The following SPOCK2 variants were observed in gnomAD, a reference collection of about 807,000 sequenced individuals.
The protein encoded by SPOCK2 is SPARC (osteonectin), cwcv and kazal like domains proteoglycan 2.
In SPOCK2, 39 loss-of-function variants were observed where a neutral mutation model predicts 60.1. That is an observed-to-expected ratio of 0.65 (90% CI 0.50 to 0.85). SPOCK2 has a LOEUF of 0.85. SPOCK2 is among the 40% of genes least tolerant of loss of function. SPOCK2 has a pLI of 0.00. For synonymous variants in SPOCK2, 217 were observed against 231.5 expected (o/e 0.94, Z 0.57); for missense variants, 523 against 567.4 (o/e 0.92, Z 0.80).
At chr10:72,070,864 A>C (rs1840638414) in intron 4 of SPOCK2, among the ~76,000 whole-genome samples, 2 of 152,112 alleles carry the variant, frequency 1.3e-5, no homozygotes, top group Admixed American at 1.3e-4. Flanking sequence ...GTTCACATAA[A>C]TACCTGGATT....
chr10:72,084,637 G>T (rs1016415221), intron 1 of SPOCK2, among the ~76,000 whole-genome samples: 1 of 152,188 alleles, frequency 6.6e-6, no homozygotes, highest in African/African-American at 2.4e-5. Flanking sequence ...TTCGCTAAGG[G>T]TGAGGCCTAG....
Position 72,070,432 on chromosome 10 carries a change from G to A in SPOCK2, c.360-6C>T, listed in dbSNP as rs769315285. On this transcript the variant is annotated splice_polypyrimidine_tract_variant and splice_region_variant and intron_variant, in intron 4 of 10. Coordinates refer to ENST00000373109, the MANE Select transcript of SPOCK2 (RefSeq NM_001244950.2). ...TCACGGTCGGCTGCTTGATCCTACA[G>A]GAGAGGGTGGGGGGCACACCAGGGT... 1.6e-5 allele frequency: 26 copies of A among 1,613,964 alleles called. No individual in the cohort carries two copies. In the South Asian group the frequency reaches 2.6e-4, roughly 16 times the overall value.
Position 72,087,504 on chromosome 10 carries a change from G to A in SPOCK2, c.189+636C>T, listed in dbSNP as rs997755493. Among the ~76,000 whole-genome samples, 1 of 152,116 alleles carries A rather than the reference G, an allele frequency of 6.6e-6. No individual in the cohort carries two copies. The highest frequency in any genetic ancestry group is 2.4e-5 in the African/African-American group (1 of 41,420). On this transcript the variant is annotated intron_variant, in intron 1 of 10. Coordinates refer to ENST00000373109, the MANE Select transcript of SPOCK2 (RefSeq NM_001244950.2). The surrounding 1 kb of genome is among the most constrained non-coding windows in gnomAD (Gnocchi z 4.7). ...GGAAAACCAGCCTGGGTCCTCGCGC[G>A]CCCTTCTGCACGGGGACCCCAGCCC...
chr10:72,069,170 C>T lies in SPOCK2; in HGVS notation c.475-869G>A, dbSNP rs367717552. 89 of 161,336 alleles carry T rather than the reference C, an allele frequency of 5.5e-4. 1 individual carries two copies. Among genetic ancestry groups the T allele is most frequent in the African/African-American group, 2.1e-3 (87 of 41,714 alleles). The allele number at this position is 161,336 out of a possible 1,614,324, so 10.0% of individuals were successfully genotyped here. On this transcript the variant is annotated intron_variant, in intron 5 of 10. Transcript: ENST00000373109. The stretch of plus-strand genomic sequence containing the variant: ...ACTAGCTCCTCTTCTTCTCCTCCTC[C>T]TCTCTGCCAGCTCTGCCAGCTCCCC...
At position 72,062,925 on chromosome 10, in the gene SPOCK2, A is replaced by G. The variant is rs756686914; in HGVS notation, c.1130-20T>C. 21 of 1,595,564 alleles carry G rather than the reference A, an allele frequency of 1.3e-5. No individual in the cohort carries two copies. The highest frequency in any genetic ancestry group is 1.8e-5 in the Non-Finnish European group (21 of 1,173,958). On this transcript the variant is annotated intron_variant, in intron 10 of 10. Transcript: ENST00000373109. The surrounding 1 kb of genome is among the most constrained non-coding windows in gnomAD (Gnocchi z 4.3). The stretch of plus-strand genomic sequence containing the variant: ...TGTCATCTGTGAGGGGATCAAGCCA[A>G]CAGGGGGTGAGGGAGCTTCTGGCAC...
At chr10:72,081,869 G>A (rs763579333) in intron 1 of SPOCK2, among the ~76,000 whole-genome samples, 4 of 152,312 alleles carry the variant, frequency 2.6e-5, no homozygotes, top group South Asian at 2.1e-4. Context: ...GCTACTTGGA[G>A]AGGGGAGGGA....
intron 1 of SPOCK2, chr10:72,086,882 G>C: frequency 1.3e-6 from 2 of 1,551,016 alleles, no homozygotes; most frequent in Non-Finnish European, 1.7e-6. Flanking sequence ...TATGAAGCAT[G>C]TGTGTTTTAA....
chr10:72,068,158 C>G, intron 6 of SPOCK2, 29 bp downstream of exon 6: 1 of 1,590,512 alleles, frequency 6.3e-7, no homozygotes, highest in Non-Finnish European at 8.6e-7. Context: ...TTCAGCACCC[C>G]TAGCCTGGTG....
chr10:72,070,497 G>A, intron 4 of SPOCK2, 71 bp from the exon 5 acceptor site: 1 of 1,437,290 alleles, frequency 7.0e-7, no homozygotes, highest in Non-Finnish European at 9.7e-7. Context: ...AGGGAGGGCT[G>A]AGCAGACCTG....
chr10:72,078,120 T>C (rs1840738176), intron 1 of SPOCK2, among the ~76,000 whole-genome samples: 1 of 152,204 alleles, frequency 6.6e-6, no homozygotes, highest in African/African-American at 2.4e-5. Context: ...ATACAGAGAA[T>C]TCTGACATCT....
At chr10:72,077,721 G>A (rs1221852378) in intron 1 of SPOCK2, among the ~76,000 whole-genome samples, 2 of 152,210 alleles carry the variant, frequency 1.3e-5, no homozygotes, top group Non-Finnish European at 2.9e-5. Context: ...GGTGTGCTGA[G>A]GAGCAGGCCG....
At chr10:72,065,862 G>C (rs1840560711) in intron 8 of SPOCK2, among the ~76,000 whole-genome samples, 1 of 152,322 alleles carries the variant, frequency 6.6e-6, no homozygotes, top group Admixed American at 6.5e-5. Flanking sequence ...CTCACAACAG[G>C]CTCCAAGATA....
intron 7 of SPOCK2, among the ~76,000 whole-genome samples, chr10:72,067,370 G>A (rs1840584344): frequency 6.6e-6 from 1 of 152,132 alleles, no homozygotes; most frequent in African/African-American, 2.4e-5. Context: ...GCTTTCCCTG[G>A]GCTACCCATG....
chr10:72,062,511 A>T lies in SPOCK2; in HGVS notation c.*249T>A. On this transcript the variant is annotated 3_prime_UTR_variant, in exon 11 of 11. Transcript: ENST00000373109. This position sits in a 1 kb window ranked among gnomAD's most constrained non-coding sequence, Gnocchi z 4.3. ...ACTCACTCTGCCAGGAGCAGTGTGG[A>T]TCAAGGACACATTTGTCAGCGCATG... 1 of 630,964 alleles carries T rather than the reference A, an allele frequency of 1.6e-6. No homozygotes were observed. The highest frequency in any genetic ancestry group is 3.2e-5 in the East Asian group (1 of 31,352). 39.1% of individuals were successfully genotyped at this position (630,964 alleles called of 1,614,324 possible).
intron 1 of SPOCK2, among the ~76,000 whole-genome samples, chr10:72,079,050 T>A (rs559247694): frequency 6.6e-6 from 1 of 152,240 alleles, no homozygotes; most frequent in African/African-American, 2.4e-5. Flanking sequence ...ATTCATTGGC[T>A]TGTTTCCTCT....
chr10:72,087,880 G>T lies in SPOCK2; in HGVS notation c.189+260C>A, dbSNP rs2131826729. Among the ~76,000 whole-genome samples, 1 of 152,188 alleles carries T rather than the reference G, an allele frequency of 6.6e-6. No individual in the cohort carries two copies. The highest frequency in any genetic ancestry group is 2.4e-5 in the African/African-American group (1 of 41,562). ...CCCGGCCCGCAGGGGAGACCCCGGA[G>T]CGCGCGACCCCGGAGCGTCGGGCAG... On this transcript the variant is annotated intron_variant, in intron 1 of 10. Transcript: ENST00000373109. The surrounding 1 kb of genome is among the most constrained non-coding windows in gnomAD (Gnocchi z 4.7).
In SPOCK2 at chr10:72,088,176, G is replaced by C. The variant is rs1840889532; in HGVS notation, c.153C>G (p.Tyr51Ter). 1 of 1,613,070 alleles carries C rather than the reference G, an allele frequency of 6.2e-7. No individual in the cohort carries two copies. ...DEQWLSSISQ[Y>*]SGKIKHWNRF... is the part of the protein sequence containing the mutation. Reference sequence around the variant, plus strand: ...GGTTCCAGTGCTTGATCTTGCCGCTGTACTGCGAGATGGACGACAGCCATT... The same window carrying C: ...GGTTCCAGTGCTTGATCTTGCCGCTCTACTGCGAGATGGACGACAGCCATT... Residue 51 changes from tyrosine (Y) to a stop codon, truncating the protein, a stop_gained, in exon 1 of 11, where the codon TAC (tyrosine) becomes TAG (stop). Coordinates refer to ENST00000373109, the MANE Select transcript of SPOCK2 (RefSeq NM_001244950.2). LOFTEE classifies it high-confidence loss of function.
At chr10:72,079,802 G>A (rs1840759701) in intron 1 of SPOCK2, among the ~76,000 whole-genome samples, 1 of 152,054 alleles carries the variant, frequency 6.6e-6, no homozygotes. Context: ...CAGTGTGACA[G>A]AGAGACCTCA....
chr10:72,082,765 G>A (rs1840803230), intron 1 of SPOCK2, among the ~76,000 whole-genome samples: 1 of 148,442 alleles, frequency 6.7e-6, no homozygotes, highest in South Asian at 2.1e-4. Context: ...GAGGTGGGAG[G>A]ATCGCTTGAG....
Sources: allele counts gnomAD v4.1 joint callset (sites outside exome capture counted in the v4.1 genomes callset), GRCh38; gene constraint gnomAD v4.1.1; non-coding constraint Gnocchi (gnomAD v3.1); transcripts MANE v1.5; gene names NCBI Gene and HGNC (gene_info 2026-07-23, HGNC 2026-07-21).